Variants in THSD4 observed in about 807,000 individuals in gnomAD.
THSD4 encodes thrombospondin type 1 domain containing 4, also known as thrombospondin type-1 domain-containing protein 4.
THSD4 carries 69 observed loss-of-function variants against 119.0 expected under a neutral mutation model. The observed-to-expected ratio is 0.58, with a 90% confidence interval of 0.48 to 0.71. The LOEUF is 0.71. Ranked by LOEUF, THSD4 falls within the 30% of genes least tolerant of loss-of-function variation. The probability of loss-of-function intolerance (pLI) is 0.00; values close to 1 mark genes in which losing one functional copy is unlikely to be tolerated. For synonymous variants in THSD4, 524 were observed against 540.4 expected, an observed-to-expected ratio of 0.97 and a Z score of 0.42; for missense variants, 1,393 against 1,391.1, an observed-to-expected ratio of 1.00 and a Z score of -0.02.
At chr15:71,137,231 G>A (rs1042951072) in intron 1 of THSD4, among the ~76,000 whole-genome samples, 5 of 152,094 alleles carry the variant, frequency 3.3e-5, no homozygotes, top group Non-Finnish European at 5.9e-5. Context: ...CAGCCCTCTC[G>A]GTGCACCCTT....
chr15:71,703,569 A>G (rs969380777), intron 8 of THSD4, among the ~76,000 whole-genome samples: 1 of 152,260 alleles, frequency 6.6e-6, no homozygotes, highest in African/African-American at 2.4e-5. Context: ...ACAGGGTCTT[A>G]CATCGCACTG....
chr15:71,242,898 G>A lies in THSD4; in HGVS notation c.714G>A (p.Ala238=), dbSNP rs377400944. ...DSGPRSGLQA[A]EAPIYQLPLT... Reference sequence around the variant, plus strand: ...GCCCTCGCTCTGGACTGCAGGCTGCGGAGGCCCCCATCTACCAGCTACCTT... The same window carrying A: ...GCCCTCGCTCTGGACTGCAGGCTGCAGAGGCCCCCATCTACCAGCTACCTT... The change falls in exon 5 of 18, where the codon GCG becomes GCA. Residue 238 remains alanine, a synonymous_variant. Coordinates refer to ENST00000261862, the MANE Select transcript of THSD4 (RefSeq NM_024817.3). 240 of 1,614,168 alleles carry A rather than the reference G, an allele frequency of 1.5e-4. No individual in the cohort carries two copies. The highest frequency in any genetic ancestry group is 1.8e-4 in the Non-Finnish European group (212 of 1,180,032).
intron 3 of THSD4, among the ~76,000 whole-genome samples, chr15:71,185,028 C>T (rs1248039116): frequency 2.6e-5 from 4 of 151,704 alleles, no homozygotes; most frequent in African/African-American, 2.4e-5. Flanking sequence ...AGGCGTAAAC[C>T]GACCTTTTAA....
At chr15:71,607,876 T>C (rs1595781722) in intron 7 of THSD4, among the ~76,000 whole-genome samples, 1 of 152,168 alleles carries the variant, frequency 6.6e-6, no homozygotes, top group East Asian at 1.9e-4. Context: ...TAACAGTCTC[T>C]TTGCCAAGGT....
chr15:71,656,939 CAGAA>C (rs1240731995), intron 7 of THSD4, among the ~76,000 whole-genome samples: 1 of 152,154 alleles, frequency 6.6e-6, no homozygotes, highest in Non-Finnish European at 1.5e-5. Context: ...TGAGGACAGT[CAGAA>C]AGGCCTGTTC....
At chr15:71,293,673 G>A (rs1178642295) in intron 6 of THSD4, among the ~76,000 whole-genome samples, 2 of 152,232 alleles carry the variant, frequency 1.3e-5, no homozygotes, top group Admixed American at 6.5e-5. Context: ...CAATTACAAC[G>A]CTTTCCTCTA....
chr15:71,219,042 G>A (rs542802192), intron 4 of THSD4, among the ~76,000 whole-genome samples: 5 of 151,722 alleles, frequency 3.3e-5, no homozygotes, highest in Admixed American at 6.6e-5. Context: ...AGAAGAATCC[G>A]TTCTGCAAAA....
At chr15:71,736,299 C>T (rs750023021) in intron 10 of THSD4, among the ~76,000 whole-genome samples, 3 of 151,790 alleles carry the variant, frequency 2.0e-5, no homozygotes, top group Non-Finnish European at 2.9e-5. Context: ...CTCTCTGTCT[C>T]TCCTGCTCTC....
chr15:71,184,853 G>A (rs775398354), intron 3 of THSD4, among the ~76,000 whole-genome samples: 13 of 151,844 alleles, frequency 8.6e-5, no homozygotes, highest in Non-Finnish European at 1.2e-4. Flanking sequence ...AAGTAGTTTC[G>A]TTTTGTTGTT....
chr15:71,228,311 G>C (rs1188535883), intron 4 of THSD4, among the ~76,000 whole-genome samples: 1 of 152,080 alleles, frequency 6.6e-6, no homozygotes, highest in Admixed American at 6.5e-5. Context: ...CACAGCCAAG[G>C]CATGCTGGCG....
At chr15:71,765,273 G>T (rs574633467) in intron 16 of THSD4, 74 bp downstream of exon 16, 1 of 1,499,782 alleles carries the variant, frequency 6.7e-7, no homozygotes, top group African/African-American at 1.4e-5. Context: ...GACCCCTCTG[G>T]GCCAGGCACT....
At chr15:71,127,169 CAT>C (rs2040463060) in intron 1 of THSD4, among the ~76,000 whole-genome samples, 2 of 152,182 alleles carry the variant, frequency 1.3e-5, no homozygotes, top group Admixed American at 6.5e-5. Flanking sequence ...TAAGTAAAAA[CAT>C]GTGGTATTTG....
intron 4 of THSD4, among the ~76,000 whole-genome samples, chr15:71,215,778 GAGA>G (rs1204228884): frequency 2.6e-5 from 4 of 152,158 alleles, no homozygotes; most frequent in Non-Finnish European, 5.9e-5. Flanking sequence ...GACACAAGAC[GAGA>G]AGAAGTGTGT....
chr15:71,255,899 C>T (rs2044309735), intron 5 of THSD4, among the ~76,000 whole-genome samples: 1 of 152,168 alleles, frequency 6.6e-6, no homozygotes, highest in Non-Finnish European at 1.5e-5. Flanking sequence ...GCTACTATTC[C>T]ATGCAAGGGG....
intron 9 of THSD4, chr15:71,730,018 T>C (rs1330564996): frequency 6.6e-6 from 1 of 152,112 alleles, no homozygotes; most frequent in Non-Finnish European, 1.5e-5. Flanking sequence ...GGGTAATTTA[T>C]AAAATGAAGA....
chr15:71,394,580 A>ACTC (rs1039300788), intron 6 of THSD4, among the ~76,000 whole-genome samples: 1 of 150,386 alleles, frequency 6.6e-6, no homozygotes, highest in South Asian at 2.1e-4. Context: ...TGGCCTTTTC[A>ACTC]CTCCTCCTCC....
chr15:71,350,673 C>A (rs887232230), intron 6 of THSD4, among the ~76,000 whole-genome samples: 2 of 152,094 alleles, frequency 1.3e-5, no homozygotes, highest in Admixed American at 1.3e-4. Context: ...GAATGGCCAA[C>A]AAGCTTGAGC....
At chr15:71,559,934 T>A (rs2049086982) in intron 7 of THSD4, among the ~76,000 whole-genome samples, 1 of 152,138 alleles carries the variant, frequency 6.6e-6, no homozygotes, top group Non-Finnish European at 1.5e-5. Context: ...TAAGAGAAAG[T>A]CACATATTTA....
At chr15:71,395,304 C>A (rs888345173) in intron 6 of THSD4, among the ~76,000 whole-genome samples, 3 of 152,146 alleles carry the variant, frequency 2.0e-5, no homozygotes, top group Non-Finnish European at 4.4e-5. Flanking sequence ...AAGGGACATG[C>A]CGTGAAGGTG....
Sources: allele counts gnomAD v4.1 joint callset (sites outside exome capture counted in the v4.1 genomes callset), GRCh38; gene constraint gnomAD v4.1.1; transcripts MANE v1.5; gene names NCBI Gene and HGNC (gene_info 2026-07-23, HGNC 2026-07-21).